FAM149A: variants seen among roughly 807,000 people sequenced by gnomAD.
The protein encoded by FAM149A is protein FAM149A.
In FAM149A, 71 loss-of-function variants were observed where a neutral mutation model predicts 78.2. The ratio of observed to expected loss-of-function variants is 0.91; its 90% CI spans 0.75 to 1.11. FAM149A has a LOEUF of 1.11. Among genes scored for constraint, FAM149A ranks in the 50% least tolerant of loss-of-function variants. FAM149A has a pLI of 0.00. For synonymous variants in FAM149A, 446 were observed against 410.5 expected, an observed-to-expected ratio of 1.09 and a Z score of -1.04; for missense variants, 1,036 against 971.0, an observed-to-expected ratio of 1.07 and a Z score of -0.89.
intron 1 of FAM149A, among the ~76,000 whole-genome samples, chr4:186,146,175 G>C (rs1733020637): frequency 6.6e-6 from 1 of 152,074 alleles, no homozygotes; most frequent in Admixed American, 6.5e-5. Flanking sequence ...TTAAATTCCT[G>C]TTCACCTCGT....
chr4:186,135,916 C>T (rs1443750883), intron 1 of FAM149A, among the ~76,000 whole-genome samples: 1 of 152,166 alleles, frequency 6.6e-6, no homozygotes, highest in African/African-American at 2.4e-5. Flanking sequence ...TCAGGTGTGT[C>T]ATTGTTCTGC....
At chr4:186,131,541 T>G (rs1404431471) in intron 1 of FAM149A, among the ~76,000 whole-genome samples, 1 of 152,222 alleles carries the variant, frequency 6.6e-6, no homozygotes, top group Non-Finnish European at 1.5e-5. Flanking sequence ...GTCTGTTGAT[T>G]ACGCTGCCCA....
At chr4:186,170,043 G>A (rs991146987) in intron 13 of FAM149A, 1 of 650,534 alleles carries the variant, frequency 1.5e-6, no homozygotes, top group Non-Finnish European at 1.9e-6. Flanking sequence ...GTATGTCCAG[G>A]CCCCCTCAGG....
At chr4:186,137,940 T>G (rs2126397556) in intron 1 of FAM149A, among the ~76,000 whole-genome samples, 2 of 152,228 alleles carry the variant, frequency 1.3e-5, no homozygotes, top group Middle Eastern at 3.4e-3. Flanking sequence ...ATTTTTATAC[T>G]CTTCCCATTA....
intron 1 of FAM149A, among the ~76,000 whole-genome samples, chr4:186,124,594 C>T (rs2099317506): frequency 6.6e-6 from 1 of 152,170 alleles, no homozygotes; most frequent in African/African-American, 2.4e-5. Context: ...GACATGACCT[C>T]ATCCTTTTTT....
At position 186,172,971 on chromosome 4, in the gene FAM149A, A is replaced by G. The variant is rs1294712056; in HGVS notation, c.*984A>G. Among the ~76,000 whole-genome samples the G allele has an allele frequency of 8.9e-6, 1 of 111,806 alleles. No homozygotes were observed. The highest frequency in any genetic ancestry group is 2.8e-5 in the African/African-American group (1 of 35,618). 73.3% of individuals were successfully genotyped at this position (111,806 alleles called of 152,430 possible). A position where few individuals can be genotyped will look rare whatever the true frequency, so the allele number is the denominator to read the frequency against. The stretch of plus-strand genomic sequence containing the variant: ...CACTGTTTCTCTTGATTGTGATTCA[A>G]GTCCTTACACTCATTTTTACATTCT... On this transcript the variant is annotated 3_prime_UTR_variant, in exon 14 of 14. Transcript: ENST00000389354.
rs867890947 is a variant in FAM149A at position 186,157,737 on chromosome 4, C to T, written c.1575+18C>T. On this transcript the variant is annotated intron_variant, in intron 8 of 13. Transcript: ENST00000389354. Reference sequence around the variant, plus strand: ...CGCCCCAGGTCGGTGCTTTCACACCCTTCTCCCTCTTGCCTTCACTCTGTG... The same window carrying T: ...CGCCCCAGGTCGGTGCTTTCACACCTTTCTCCCTCTTGCCTTCACTCTGTG... 6.3e-7 allele frequency: 1 copy of T among 1,593,082 alleles called. No individual in the cohort carries two copies. The highest frequency in any genetic ancestry group is 8.6e-7 in the Non-Finnish European group (1 of 1,168,700).
intron 1 of FAM149A, chr4:186,118,197 A>G (rs916316467): frequency 9.1e-6 from 9 of 985,326 alleles, no homozygotes; most frequent in Non-Finnish European, 1.1e-5. Context: ...ATGACATCAC[A>G]CACCACGCAA....
At position 186,164,851 on chromosome 4, in the gene FAM149A, G is replaced by A. The variant is rs1734898460; in HGVS notation, c.1890-493G>A. On this transcript the variant is annotated intron_variant, in intron 10 of 13. Coordinates refer to ENST00000389354, the MANE Select transcript of FAM149A (RefSeq NM_001367768.3). This position sits in a 1 kb window ranked among gnomAD's most constrained non-coding sequence, Gnocchi z 4.0. ...ATTTTTCAGCTTTCTTTTTATTATT[G>A]CCACCCTGAGGAGCCCTTTTCGACC... Among the ~76,000 whole-genome samples, 1 of 151,724 alleles carries A rather than the reference G, an allele frequency of 6.6e-6. No individual in the cohort carries two copies. Among genetic ancestry groups the A allele is most frequent in the African/African-American group, 2.4e-5 (1 of 41,250 alleles).
At chr4:186,122,568 T>G (rs892098802) in intron 1 of FAM149A, among the ~76,000 whole-genome samples, 1 of 152,240 alleles carries the variant, frequency 6.6e-6, no homozygotes, top group Non-Finnish European at 1.5e-5. Context: ...AATATGTTTC[T>G]GGATTTAATA....
chr4:186,160,053 C>T (rs1005218242), intron 8 of FAM149A, among the ~76,000 whole-genome samples: 2 of 110,634 alleles, frequency 1.8e-5, no homozygotes, highest in Admixed American at 1.0e-4. Flanking sequence ...ACACCACATA[C>T]CATACACCAC....
In FAM149A at chr4:186,172,094, A is replaced by T. The variant is rs1484120263; in HGVS notation, c.*107A>T. The T allele has an allele frequency of 2.7e-6, 4 of 1,483,270 alleles. No individual in the cohort carries two copies. Among genetic ancestry groups the T allele is most frequent in the Admixed American group, 2.3e-5 (1 of 42,892 alleles). The allele number at this position is 1,483,270 out of a possible 1,614,324, so 91.9% of individuals were successfully genotyped here. On this transcript the variant is annotated 3_prime_UTR_variant, in exon 14 of 14. Transcript: ENST00000389354. ...ATTTATCTGTGTGTCTGACAGTGTG[A>T]GATGTTAGACCGAGAGAAAAGCAAA...
chr4:186,154,566 C>T lies in FAM149A; in HGVS notation c.1157C>T (p.Ser386Leu), dbSNP rs771526600. The T allele has an allele frequency of 1.9e-6, 3 of 1,614,036 alleles. No homozygotes were observed. The highest frequency in any genetic ancestry group is 1.3e-5 in the African/African-American group (1 of 74,914). The change falls in exon 6 of 14, where the codon TCA (serine) becomes TTA (leucine). Residue 386 changes from serine (S) to leucine (L), a missense_variant. Physicochemically the swap from Ser to Leu is moderately radical, Grantham distance 145. Coordinates refer to ENST00000389354, the MANE Select transcript of FAM149A (RefSeq NM_001367768.3). ...GGGGTTGCTGACCTAACGGCACGTT[C>T]ATCCCTGGAAGAAGAGGTTTACCAT...
At chr4:186,168,432 C>T (rs1325429169) in intron 13 of FAM149A, among the ~76,000 whole-genome samples, 1 of 152,136 alleles carries the variant, frequency 6.6e-6, no homozygotes, top group African/African-American at 2.4e-5. Context: ...CTCAGCTCAC[C>T]GCAACCTCCA....
In FAM149A at chr4:186,105,605, G is replaced by C. The variant is rs938595901; in HGVS notation, c.529G>C (p.Glu177Gln). The change falls in exon 1 of 14, where the codon GAG (glutamate) becomes CAG (glutamine). Residue 177 changes from glutamate to glutamine, a missense_variant. By Grantham distance (29) the Glu-to-Gln change is conservative. Transcript: ENST00000389354. ...CCTTACGCTGCCTGACATCGGCGAG[G>C]AGGGGGCCTCGGACGGCGACTCCGG... The C allele has an allele frequency of 1.9e-6, 2 of 1,054,514 alleles. No homozygotes were observed. The highest frequency in any genetic ancestry group is 3.5e-5 in the African/African-American group (2 of 57,620). 65.3% of individuals were successfully genotyped at this position (1,054,514 alleles called of 1,614,324 possible).
At chr4:186,123,129 G>A (rs1018899074) in intron 1 of FAM149A, 2 of 697,404 alleles carry the variant, frequency 2.9e-6, no homozygotes, top group African/African-American at 1.9e-5. Flanking sequence ...TTCAAACACT[G>A]GTCATTCTGA....
At chr4:186,128,095 A>G (rs566829369) in intron 1 of FAM149A, among the ~76,000 whole-genome samples, 2 of 149,176 alleles carry the variant, frequency 1.3e-5, no homozygotes, top group East Asian at 2.0e-4. Context: ...AGTTCAAGCA[A>G]TTCTCCTGCC....
intron 8 of FAM149A, chr4:186,158,674 C>G: frequency 1.0e-5 from 11 of 1,091,212 alleles, no homozygotes; most frequent in African/African-American, 1.7e-5. Context: ...AGCCCCTGCA[C>G]GCACTGCTGC....
chr4:186,171,570 C>A lies in FAM149A; in HGVS notation c.2219-344C>A, dbSNP rs181975817. Among the ~76,000 whole-genome samples the A allele has an allele frequency of 5.9e-5, 9 of 152,102 alleles. 1 individual carries two copies. The South Asian group carries it at 1.5e-3, about 25-fold the overall frequency. On this transcript the variant is annotated intron_variant, in intron 13 of 13. Transcript: ENST00000389354. ...GTAGTGGGAAGGATCCCTTAAAGTA[C>A]CTGGCATTGCACCTGCCCCTGGGAA... is the stretch of plus-strand genomic sequence containing the variant.
Sources: gnomAD v4.1 joint callset for allele counts (sites outside exome capture counted in the v4.1 genomes callset) on GRCh38, gnomAD v4.1.1 for gene constraint, Gnocchi (gnomAD v3.1) non-coding constraint, MANE v1.5 for transcripts, NCBI Gene and HGNC (gene_info 2026-07-23, HGNC 2026-07-21) for gene names.